GPRIN2: variants seen among roughly 807,000 people sequenced by gnomAD.
GPRIN2 encodes G protein-regulated inducer of neurite outgrowth 2.
Under a neutral mutation model 0.3 loss-of-function variants are expected in GPRIN2, and 1 was observed. The observed-to-expected ratio is 3.90, with a 90% CI of 1.39 to 18.51. The LOEUF (loss-of-function observed/expected upper bound fraction) is 18.51. Ranked by LOEUF, GPRIN2 falls within the 30% of genes most tolerant of loss-of-function variation. The probability of loss-of-function intolerance (pLI) is 0.11; values close to 1 mark genes in which losing one functional copy is unlikely to be tolerated. For synonymous variants in GPRIN2, 361 were observed against 258.6 expected, an observed-to-expected ratio of 1.40 and a Z score of -3.80; for missense variants, 880 against 604.2, an observed-to-expected ratio of 1.46 and a Z score of -4.79.
rs1358090403 is a variant in GPRIN2, at chr10:46,549,223, T to A, written c.*137A>T. 6 of 1,206,992 alleles carry A rather than the reference T, an allele frequency of 5.0e-6. No homozygotes were observed. The Admixed American group carries it at 1.4e-4, about 27-fold the overall frequency. 74.8% of individuals were successfully genotyped at this position (1,206,992 alleles called of 1,614,324 possible). On this transcript the variant is annotated 3_prime_UTR_variant, in exon 3 of 3. Transcript: ENST00000374314. ...GAAGCCCCAGGCTGCAGTCCTGTGG[T>A]CTGGAGGCAGCCAATATTCAGGTGA...
chr10:46,554,409 C>T (rs1170702561), intron 2 of GPRIN2, among the ~76,000 whole-genome samples, 176 bp downstream of exon 2: 1 of 152,308 alleles, frequency 6.6e-6, no homozygotes, highest in Non-Finnish European at 1.5e-5. Context: ...GCTACGCATG[C>T]ATACAAGTCT....
Position 46,545,104 on chromosome 10 carries a change from GAGAC to G in GPRIN2, c.*4252_*4255del, listed in dbSNP as rs1180240357. On this transcript the variant is annotated 3_prime_UTR_variant, in exon 3 of 3. Coordinates refer to ENST00000374314, the MANE Select transcript of GPRIN2 (RefSeq NM_001385282.1). ...AAGGCTGCTTGGCGTGAACAAAACT[GAGAC>G]AGAGCAATGCATGGAGAAAAGGGTT... Among the ~76,000 whole-genome samples the G allele has an allele frequency of 2.5e-4, 38 of 152,280 alleles. No homozygotes were observed. The highest frequency in any genetic ancestry group is 5.0e-4 in the Non-Finnish European group (34 of 68,028).
At position 46,545,572 on chromosome 10, in the gene GPRIN2, C is replaced by T. The variant is rs1842083667; in HGVS notation, c.*3788G>A. ...CAATGCACTCTGGGAACTACATTTTCAGAAGCCCCAGCCAGAGGGCCAAGT... is the reference window on the plus strand; with the variant it reads ...CAATGCACTCTGGGAACTACATTTTTAGAAGCCCCAGCCAGAGGGCCAAGT... On this transcript the variant is annotated 3_prime_UTR_variant, in exon 3 of 3. Coordinates refer to ENST00000374314, the MANE Select transcript of GPRIN2 (RefSeq NM_001385282.1). Among the ~76,000 whole-genome samples, 1 of 152,312 alleles carries T rather than the reference C, an allele frequency of 6.6e-6. No individual in the cohort carries two copies. Among genetic ancestry groups the T allele is most frequent in the South Asian group, 2.1e-4 (1 of 4,838 alleles).
In GPRIN2 at chr10:46,547,019, A is replaced by G. The variant is rs1387486551; in HGVS notation, c.*2341T>C. On this transcript the variant is annotated 3_prime_UTR_variant, in exon 3 of 3. Transcript: ENST00000374314. ...ATGCATAAGAATCTGCACGTGACAC[A>G]GAAGAAAGTCTCTTCATGAAGTAGG... is the stretch of plus-strand genomic sequence containing the variant. Among the ~76,000 whole-genome samples, 2 of 152,424 alleles carry G rather than the reference A, an allele frequency of 1.3e-5. No homozygotes were observed. Among genetic ancestry groups the G allele is most frequent in the East Asian group, 1.9e-4 (1 of 5,196 alleles).
Position 46,548,365 on chromosome 10 carries a change from G to A in GPRIN2, c.*995C>T, listed in dbSNP as rs1842360750. Among the ~76,000 whole-genome samples the A allele has an allele frequency of 1.3e-5, 2 of 152,308 alleles. No individual in the cohort carries two copies. Among genetic ancestry groups the A allele is most frequent in the Non-Finnish European group, 1.5e-5 (1 of 68,056 alleles). On this transcript the variant is annotated 3_prime_UTR_variant, in exon 3 of 3. Transcript: ENST00000374314. ...TACCCCAGGGCCAGGGCAAACTCCT[G>A]CCCTGTCCCCCTCCATTCCTGCCCT...
rs1841788625 is a variant in GPRIN2, at chr10:46,541,843, G to A, written c.*7517C>T. On this transcript the variant is annotated 3_prime_UTR_variant, in exon 3 of 3. Coordinates refer to ENST00000374314, the MANE Select transcript of GPRIN2 (RefSeq NM_001385282.1). ...CAAAAATTTCAATAAAGCAGCATCC[G>A]ACTTCCTGCCCAGCTGTCCTACGGT... Among the ~76,000 whole-genome samples, 1 of 152,308 alleles carries A rather than the reference G, an allele frequency of 6.6e-6. No individual in the cohort carries two copies. The highest frequency in any genetic ancestry group is 2.4e-5 in the African/African-American group (1 of 41,488).
In GPRIN2 at chr10:46,549,740, G is replaced by A; in HGVS notation, c.997C>T (p.Gln333Ter). ...GGGGCCGCCTGCACACCAGCATCCT[G>A]GGCTGACAGCGGGGATGCCTCTGCA... is the stretch of plus-strand genomic sequence containing the variant. ...APAEASPLSAQDAGVQAAPVA... is the reference protein window; with the variant it reads ...APAEASPLSA Residue 333 changes from glutamine to a stop codon, truncating the protein, a stop_gained, in exon 3 of 3, where the codon CAG (glutamine) becomes TAG (stop). Coordinates refer to ENST00000374314, the MANE Select transcript of GPRIN2 (RefSeq NM_001385282.1). LOFTEE classifies it low-confidence loss of function (END_TRUNC). The A allele has an allele frequency of 6.2e-7, 1 of 1,614,088 alleles. No individual in the cohort carries two copies. Among genetic ancestry groups the A allele is most frequent in the Non-Finnish European group, 8.5e-7 (1 of 1,180,008 alleles).
chr10:46,557,094 C>T (rs1252067676), upstream of GPRIN2, among the ~76,000 whole-genome samples: 1 of 151,388 alleles, frequency 6.6e-6, no homozygotes, highest in Non-Finnish European at 1.5e-5. Context: ...GGCGGCTACC[C>T]CTTTCCTCTC....
At position 46,549,741 on chromosome 10, in the gene GPRIN2, G is replaced by T. The variant is rs1832605907; in HGVS notation, c.996C>A (p.Ala332=). The T allele has an allele frequency of 3.1e-6, 5 of 1,614,070 alleles. No individual in the cohort carries two copies. In the South Asian group the frequency reaches 5.5e-5, roughly 18 times the overall value. Residue 332 remains alanine, a synonymous_variant, in exon 3 of 3, where the codon GCC becomes GCA. Coordinates refer to ENST00000374314, the MANE Select transcript of GPRIN2 (RefSeq NM_001385282.1). ...LAPAEASPLS[A]QDAGVQAAPV... ...GGGCCGCCTGCACACCAGCATCCTGGGCTGACAGCGGGGATGCCTCTGCAG... is the reference window on the plus strand; with the variant it reads ...GGGCCGCCTGCACACCAGCATCCTGTGCTGACAGCGGGGATGCCTCTGCAG...
chr10:46,545,157 G>A lies in GPRIN2; in HGVS notation c.*4203C>T, dbSNP rs1842044543. The stretch of plus-strand genomic sequence containing the variant: ...TTGGGCATTTGTGGGCTACAAGCTT[G>A]GCATGACATGGATGCAAATGTCAAT... On this transcript the variant is annotated 3_prime_UTR_variant, in exon 3 of 3. Coordinates refer to ENST00000374314, the MANE Select transcript of GPRIN2 (RefSeq NM_001385282.1). Among the ~76,000 whole-genome samples the A allele has an allele frequency of 6.6e-6, 1 of 152,310 alleles. No individual in the cohort carries two copies. Among genetic ancestry groups the A allele is most frequent in the Admixed American group, 6.5e-5 (1 of 15,294 alleles).
rs1029277462 is a variant in GPRIN2 at position 46,542,568 on chromosome 10, G to C, written c.*6792C>G. ...CTGCCATGATTGTAAGTTTCCTGAG[G>C]CTTCCTGTAAGTTTCCTGAGGCTCC... On this transcript the variant is annotated 3_prime_UTR_variant, in exon 3 of 3. Coordinates refer to ENST00000374314, the MANE Select transcript of GPRIN2 (RefSeq NM_001385282.1). Among the ~76,000 whole-genome samples, 126 of 152,326 alleles carry C rather than the reference G, an allele frequency of 8.3e-4. No individual in the cohort carries two copies. Among genetic ancestry groups the C allele is most frequent in the African/African-American group, 2.8e-3 (116 of 41,520 alleles).
At position 46,545,779 on chromosome 10, in the gene GPRIN2, A is replaced by G. The variant is rs1842100829; in HGVS notation, c.*3581T>C. On this transcript the variant is annotated 3_prime_UTR_variant, in exon 3 of 3. Coordinates refer to ENST00000374314, the MANE Select transcript of GPRIN2 (RefSeq NM_001385282.1). Reference sequence around the variant, plus strand: ...CAGCCTGTGTGCTGAGCACTAACTCAGTGCCAGGCACTACTTGGGTTATTC... The same window carrying G: ...CAGCCTGTGTGCTGAGCACTAACTCGGTGCCAGGCACTACTTGGGTTATTC... Among the ~76,000 whole-genome samples, 1 of 152,312 alleles carries G rather than the reference A, an allele frequency of 6.6e-6. No individual in the cohort carries two copies. The highest frequency in any genetic ancestry group is 1.5e-5 in the Non-Finnish European group (1 of 68,058).
At chr10:46,557,003 T>C (rs1843321145), upstream of GPRIN2, among the ~76,000 whole-genome samples, 2 of 134,980 alleles carry the variant, frequency 1.5e-5, no homozygotes, top group African/African-American at 2.9e-5. Context: ...GTCCACCTCC[T>C]CGTAGCCCCA....
rs1833021232 is a variant in GPRIN2 at position 46,543,803 on chromosome 10, G to C, written c.*5557C>G. Reference sequence around the variant, plus strand: ...TTGGGGCCAGACCTTCCTCCTTGCTGGGCTATCTCGGGCTTGGAGTGGGAG... The same window carrying C: ...TTGGGGCCAGACCTTCCTCCTTGCTCGGCTATCTCGGGCTTGGAGTGGGAG... On this transcript the variant is annotated 3_prime_UTR_variant, in exon 3 of 3. Transcript: ENST00000374314. 5.3e-5 allele frequency among the ~76,000 whole-genome samples: 8 copies of C among 152,304 alleles called. No individual in the cohort carries two copies. The highest frequency in any genetic ancestry group is 1.2e-4 in the Non-Finnish European group (8 of 68,052).
intron 1 of GPRIN2, among the ~76,000 whole-genome samples, chr10:46,556,104 G>C (rs1186918816): frequency 6.6e-6 from 1 of 152,310 alleles, no homozygotes; most frequent in Non-Finnish European, 1.5e-5. Context: ...TGTGGGCCGG[G>C]GTAATGATGC....
At position 46,550,535 on chromosome 10, in the gene GPRIN2, G is replaced by T. The variant is rs1384907037; in HGVS notation, c.202C>A (p.Pro68Thr). ...CGTGCTGGCTTCATGCTCTCAGGCGGGTTCCCCTCTTCCTCCGGGGCCTGG... is the reference window on the plus strand; with the variant it reads ...CGTGCTGGCTTCATGCTCTCAGGCGTGTTCCCCTCTTCCTCCGGGGCCTGG... ...RPQAPEEEGN[P>T]PESMKPARAS... is the part of the protein sequence containing the mutation. The change falls in exon 3 of 3, where the codon CCG becomes ACG. Residue 68 changes from proline (P) to threonine (T), a missense_variant. Pro to Thr is a conservative substitution (Grantham distance 38, BLOSUM62 -1). Transcript: ENST00000374314. 7 of 1,593,952 alleles carry T rather than the reference G, an allele frequency of 4.4e-6. No individual in the cohort carries two copies. In the African/African-American group the frequency reaches 8.1e-5, roughly 18 times the overall value.
intron 1 of GPRIN2, among the ~76,000 whole-genome samples, 182 bp downstream of exon 1, chr10:46,556,316 G>A (rs1843215835): frequency 6.6e-6 from 1 of 152,312 alleles, no homozygotes; most frequent in Non-Finnish European, 1.5e-5. Flanking sequence ...ACAGGACAAT[G>A]AGAGGCGGAG....
chr10:46,553,341 A>C (rs1842823294), intron 2 of GPRIN2, among the ~76,000 whole-genome samples: 3 of 152,306 alleles, frequency 2.0e-5, no homozygotes, highest in Non-Finnish European at 4.4e-5. Flanking sequence ...CTGAGGCTGC[A>C]AGAATGAGGA....
intron 2 of GPRIN2, among the ~76,000 whole-genome samples, chr10:46,552,978 G>A (rs1416785673): frequency 6.6e-6 from 1 of 152,312 alleles, no homozygotes; most frequent in Non-Finnish European, 1.5e-5. Context: ...GCCCGTAACA[G>A]CGATGATAAT....
Sources: allele counts gnomAD v4.1 joint callset (sites outside exome capture counted in the v4.1 genomes callset), GRCh38; gene constraint gnomAD v4.1.1; transcripts MANE v1.5; gene names NCBI Gene and HGNC (gene_info 2026-07-23, HGNC 2026-07-21).